DNAH11: variants seen among roughly 807,000 people sequenced by gnomAD.
DNAH11 encodes axonemal beta dynein heavy chain 11.
In DNAH11, 442 loss-of-function variants were observed where a neutral mutation model predicts 526.0. That is an observed-to-expected ratio of 0.84 (90% CI 0.78 to 0.91). The LOEUF is 0.91. DNAH11 is among the 40% of genes least tolerant of loss of function. The pLI is 0.00. For missense variants in DNAH11, 6,989 were observed against 5,448.7 expected (o/e 1.28, Z -8.90); for synonymous variants, 2,461 against 1,935.9 (o/e 1.27, Z -7.12).
intron 54 of DNAH11, among the ~76,000 whole-genome samples, chr7:21,758,024 G>T (rs929985281): frequency 1.3e-5 from 2 of 152,148 alleles, no homozygotes; most frequent in African/African-American, 4.8e-5. Flanking sequence ...TAGCCATCTC[G>T]ACGGCTTCAT....
chr7:21,580,831 C>T (rs78190674), intron 8 of DNAH11, among the ~76,000 whole-genome samples: 1,592 of 152,290 alleles, frequency 0.01, 52 homozygotes, highest in South Asian at 0.071. Context: ...ATAAAACATT[C>T]AGACTCTAGC....
chr7:21,847,794 T>G (rs13310635), intron 66 of DNAH11, among the ~76,000 whole-genome samples: 74,911 of 152,002 alleles, frequency 0.49, 21,245 homozygotes, highest in Non-Finnish European at 0.65. Context: ...TGTGGACTTG[T>G]TTATTTCTCC....
intron 2 of DNAH11, among the ~76,000 whole-genome samples, chr7:21,555,934 G>A (rs1356539888): frequency 6.6e-6 from 1 of 152,176 alleles, no homozygotes; most frequent in Non-Finnish European, 1.5e-5. Context: ...GAATGGACTT[G>A]GAGACATGAA....
intron 65 of DNAH11, among the ~76,000 whole-genome samples, chr7:21,831,483 A>G (rs1429529863): frequency 6.6e-6 from 1 of 152,234 alleles, no homozygotes; most frequent in Non-Finnish European, 1.5e-5. Context: ...CCAATTGAGT[A>G]TAATTTACTA....
At chr7:21,736,482 A>C (rs1785618804) in intron 46 of DNAH11, among the ~76,000 whole-genome samples, 1 of 152,164 alleles carries the variant, frequency 6.6e-6, no homozygotes. Flanking sequence ...AGACTCTCTG[A>C]TATCCGGTTG....
At chr7:21,629,024 T>C (rs186675944) in intron 25 of DNAH11, among the ~76,000 whole-genome samples, 37 of 152,196 alleles carry the variant, frequency 2.4e-4, no homozygotes, top group Middle Eastern at 3.4e-3. Context: ...TTCTACTTTT[T>C]TGATATATGT....
intron 56 of DNAH11, 38 bp downstream of exon 56, chr7:21,774,037 G>T (rs1323783807): frequency 1.4e-6 from 2 of 1,451,568 alleles, no homozygotes; most frequent in East Asian, 2.5e-5. Flanking sequence ...TAATATTTAT[G>T]CTGTTTAACA....
chr7:21,698,933 AAC>A (rs1783957211), intron 36 of DNAH11, among the ~76,000 whole-genome samples: 1 of 152,128 alleles, frequency 6.6e-6, no homozygotes, highest in Admixed American at 6.5e-5. Context: ...AAATTCGAAA[AAC>A]TTATTTTATA....
rs72657310 is a variant in DNAH11 at position 21,615,297 on chromosome 7, G to A, written c.4011+25G>A. On this transcript the variant is annotated intron_variant, in intron 21 of 81. Coordinates refer to ENST00000409508, the MANE Select transcript of DNAH11 (RefSeq NM_001277115.2). ...AGTAAGATGTGCTTTTTCAAAACAT[G>A]CTTTTTATTTAGTAGTTCTTTTACA... 2.6e-3 allele frequency: 4,130 copies of A among 1,603,916 alleles called. 33 individuals are homozygous for A. The highest frequency in any genetic ancestry group is 0.016 in the South Asian group (1,423 of 89,042).
chr7:21,606,614 A>G (rs991253183), intron 19 of DNAH11, 33 bp from the exon 20 acceptor site: 2 of 1,126,698 alleles, frequency 1.8e-6, no homozygotes, highest in African/African-American at 2.0e-5. Flanking sequence ...TTTGAAATTC[A>G]CTTTTTTTTT....
intron 20 of DNAH11, among the ~76,000 whole-genome samples, chr7:21,613,728 T>C (rs1269840516): frequency 6.6e-6 from 1 of 152,220 alleles, no homozygotes; most frequent in Non-Finnish European, 1.5e-5. Context: ...AGATAATGCA[T>C]ATATTAATTA....
intron 66 of DNAH11, among the ~76,000 whole-genome samples, chr7:21,850,576 G>C (rs1200388784): frequency 7.2e-6 from 1 of 139,574 alleles, no homozygotes; most frequent in Admixed American, 7.1e-5. Flanking sequence ...CCACATCTGA[G>C]TCTTGTCCTG....
At chr7:21,759,540 G>A (rs770100501) in intron 54 of DNAH11, among the ~76,000 whole-genome samples, 3 of 152,180 alleles carry the variant, frequency 2.0e-5, no homozygotes, top group South Asian at 4.1e-4. Flanking sequence ...CCATTCCTGC[G>A]AGGGTTTCCT....
chr7:21,581,847 G>T, intron 8 of DNAH11, 58 bp from the exon 9 acceptor site: 1 of 1,060,120 alleles, frequency 9.4e-7, no homozygotes, highest in Non-Finnish European at 1.5e-6. Context: ...TTGTGTGATT[G>T]CTATTTTCGC....
intron 56 of DNAH11, among the ~76,000 whole-genome samples, chr7:21,776,346 T>A (rs1242466224): frequency 6.6e-6 from 1 of 152,186 alleles, no homozygotes; most frequent in Non-Finnish European, 1.5e-5. Flanking sequence ...AATAGCTACA[T>A]GGCAGTTTTA....
At chr7:21,574,575 T>C (rs1371098780) in intron 8 of DNAH11, among the ~76,000 whole-genome samples, 2 of 148,804 alleles carry the variant, frequency 1.3e-5, no homozygotes, top group Non-Finnish European at 3.0e-5. Flanking sequence ...TTTTTTTTTT[T>C]TTTTTTAAGA....
intron 6 of DNAH11, 47 bp downstream of exon 6, chr7:21,564,444 G>T: frequency 6.8e-7 from 1 of 1,473,374 alleles, no homozygotes; most frequent in South Asian, 1.2e-5. Context: ...TTGCTGTGAG[G>T]TAGGTTTTAC....
chr7:21,777,888 T>C (rs1787747277), intron 56 of DNAH11, among the ~76,000 whole-genome samples: 1 of 152,202 alleles, frequency 6.6e-6, no homozygotes, highest in South Asian at 2.1e-4. Context: ...GATATAGTAA[T>C]GGGGCGTCGT....
intron 2 of DNAH11, among the ~76,000 whole-genome samples, chr7:21,558,578 TG>T (rs1462144983): frequency 6.6e-6 from 1 of 152,220 alleles, no homozygotes; most frequent in Non-Finnish European, 1.5e-5. Context: ...GTTTGATAAA[TG>T]GGTAAATGAA....
Sources: gnomAD v4.1 joint callset for allele counts (sites outside exome capture counted in the v4.1 genomes callset) on GRCh38, gnomAD v4.1.1 for gene constraint, MANE v1.5 for transcripts, NCBI Gene and HGNC (gene_info 2026-07-23, HGNC 2026-07-21) for gene names.